The following GAD1 variants were observed in gnomAD, a reference collection of about 807,000 sequenced individuals.
The protein encoded by GAD1 is 67 kDa glutamic acid decarboxylase.
A neutral mutation model predicts 75.2 loss-of-function variants in GAD1; 35 were observed. The observed-to-expected ratio is 0.47, with a 90% CI of 0.36 to 0.62. The LOEUF is 0.62. GAD1 is among the 20% of genes least tolerant of loss of function. The pLI, the probability that GAD1 is intolerant of heterozygous loss-of-function variation, is 0.00. For missense variants in GAD1, 490 were observed against 758.5 expected (o/e 0.65, Z 4.16); for synonymous variants, 257 against 271.9 (o/e 0.95, Z 0.54).
chr2:170,839,596 A>G (rs1702457536), intron 6 of GAD1, among the ~76,000 whole-genome samples: 1 of 151,490 alleles, frequency 6.6e-6, no homozygotes, highest in African/African-American at 2.4e-5. Context: ...CCCGGGCGAC[A>G]GAACGAGACT....
At chr2:170,826,171 T>C (rs2105765669) in intron 3 of GAD1, among the ~76,000 whole-genome samples, 2 of 152,342 alleles carry the variant, frequency 1.3e-5, no homozygotes. Flanking sequence ...TATAATGCAG[T>C]GTAAGTGTGC....
intron 11 of GAD1, chr2:170,848,880 G>A (rs1047519564): frequency 6.2e-6 from 3 of 481,914 alleles, no homozygotes; most frequent in Middle Eastern, 3.3e-4. Context: ...AGTTTTTCAG[G>A]AGCTGTTAGA....
intron 13 of GAD1, 25 bp downstream of exon 13, chr2:170,852,817 C>T (rs753828851): frequency 1.9e-6 from 3 of 1,599,540 alleles, no homozygotes; most frequent in East Asian, 2.2e-5. Context: ...CAAAGCTACA[C>T]TGGGGCCCGT....
chr2:170,850,692 G>A (rs988423379), intron 12 of GAD1, among the ~76,000 whole-genome samples: 24 of 152,216 alleles, frequency 1.6e-4, no homozygotes, highest in African/African-American at 5.5e-4. Flanking sequence ...GACCGGCTCT[G>A]TGAAGTGGAC....
At chr2:170,815,734 G>A (rs1031252347), upstream of GAD1, among the ~76,000 whole-genome samples, 2 of 152,290 alleles carry the variant, frequency 1.3e-5, no homozygotes, top group Admixed American at 6.5e-5. Context: ...GAAAAAAACT[G>A]GGGGAGAAGA....
Position 170,832,630 on chromosome 2 carries a change from C to T in GAD1, c.547+1438C>T, listed in dbSNP as rs902553624. ...CCAAAAAGACACATGCACACACAGGCCAAAAAGACACAGGCACACATGCGC... is the reference window on the plus strand; with the variant it reads ...CCAAAAAGACACATGCACACACAGGTCAAAAAGACACAGGCACACATGCGC... On this transcript the variant is annotated intron_variant, in intron 5 of 16. Coordinates refer to ENST00000358196, the MANE Select transcript of GAD1 (RefSeq NM_000817.3). Among the ~76,000 whole-genome samples the T allele has an allele frequency of 4.0e-5, 6 of 151,516 alleles. No homozygotes were observed. The East Asian group carries it at 1.2e-3, about 30-fold the overall frequency.
In GAD1 at chr2:170,859,838, G is replaced by T; in HGVS notation, c.1741G>T (p.Asp581Tyr). 1 of 1,614,162 alleles carries T rather than the reference G, an allele frequency of 6.2e-7. No individual in the cohort carries two copies. The highest frequency in any genetic ancestry group is 8.5e-7 in the Non-Finnish European group (1 of 1,180,044). Residue 581 changes from aspartate to tyrosine, a missense_variant, in exon 17 of 17, where the codon GAC becomes TAC. Coordinates refer to ENST00000358196, the MANE Select transcript of GAD1 (RefSeq NM_000817.3). ...CCCAGCCGCTACCCAGTCTGACATT[G>T]ACTTCCTCATTGAGGAGATAGAAAG... The part of the protein sequence containing the change: ...SNPAATQSDI[D>Y]FLIEEIERLG...
intron 2 of GAD1, 55 bp from the exon 3 acceptor site, chr2:170,822,032 T>C (rs1701894417): frequency 7.0e-7 from 1 of 1,438,076 alleles, no homozygotes; most frequent in Non-Finnish European, 9.6e-7. Context: ...CTCCACCCAT[T>C]TCCCCGCGGT....
chr2:170,857,202 CATGGGAAAATCA>C, intron 15 of GAD1, 77 bp downstream of exon 15: 1 of 1,152,948 alleles, frequency 8.7e-7, no homozygotes. Flanking sequence ...CTTCTGGCAA[CATGGGAAAATCA>C]ATCCCATGTT....
rs145890604 is a variant in GAD1 at position 170,843,677 on chromosome 2, C to T, written c.639-368C>T. ...CCAATTTTACATAGAACTTGGAATG[C>T]TTTTTTCAATTAACATTTGCATTGT... On this transcript the variant is annotated intron_variant, in intron 6 of 16. Transcript: ENST00000358196. 432 of 147,078 alleles carry T rather than the reference C, an allele frequency of 2.9e-3. 4 individuals are homozygous for T. Among genetic ancestry groups the T allele is most frequent in the African/African-American group, 0.011 (414 of 38,416 alleles). 9.1% of individuals were successfully genotyped at this position (147,078 alleles called of 1,614,324 possible).
At chr2:170,847,569 G>A (rs1415500021) in intron 10 of GAD1, 107 bp from the exon 11 acceptor site, 1 of 817,170 alleles carries the variant, frequency 1.2e-6, no homozygotes, top group African/African-American at 1.7e-5. Flanking sequence ...CATAAGTTTT[G>A]CCATTTACTG....
At position 170,853,123 on chromosome 2, in the gene GAD1, G is replaced by T; in HGVS notation, c.1263+331G>T. 2 of 403,138 alleles carry T rather than the reference G, an allele frequency of 5.0e-6. No individual in the cohort carries two copies. The highest frequency in any genetic ancestry group is 9.3e-6 in the Non-Finnish European group (2 of 214,540). 25.0% of individuals were successfully genotyped at this position (403,138 alleles called of 1,614,324 possible). The stretch of plus-strand genomic sequence containing the variant: ...AGGCATCCAATCAGTTTTGTCCTCA[G>T]TGAGGACAAAAGCACTCACTGGAGC... On this transcript the variant is annotated intron_variant, in intron 13 of 16. Coordinates refer to ENST00000358196, the MANE Select transcript of GAD1 (RefSeq NM_000817.3). This position sits in a 1 kb window ranked among gnomAD's most constrained non-coding sequence, Gnocchi z 4.1.
At chr2:170,859,617 C>A in intron 16 of GAD1, 92 bp from the exon 17 acceptor site, 1 of 1,287,770 alleles carries the variant, frequency 7.8e-7, no homozygotes, top group Non-Finnish European at 1.1e-6. Flanking sequence ...TCAATGTAAA[C>A]ACAAATAGTA....
At chr2:170,822,271 T>C (rs1701907554) in intron 3 of GAD1, 122 bp downstream of exon 3, 1 of 865,810 alleles carries the variant, frequency 1.2e-6, no homozygotes, top group African/African-American at 1.7e-5. Flanking sequence ...TCTAATGTAA[T>C]TACAGCCAGG....
intron 5 of GAD1, among the ~76,000 whole-genome samples, chr2:170,831,783 TTA>T (rs998920885): frequency 7.6e-5 from 11 of 144,648 alleles, no homozygotes; most frequent in African/African-American, 2.5e-4. Context: ...AATATTTATA[TTA>T]TATATTATAT....
At chr2:170,829,098 C>A (rs948838731) in intron 3 of GAD1, 10 of 352,868 alleles carry the variant, frequency 2.8e-5, no homozygotes, top group South Asian at 2.3e-4. Context: ...CTTATACAGC[C>A]CATAAACAGT....
intron 7 of GAD1, among the ~76,000 whole-genome samples, chr2:170,844,465 G>C (rs890786604): frequency 6.9e-6 from 1 of 144,416 alleles, no homozygotes; most frequent in Non-Finnish European, 1.5e-5. Context: ...CTAGAGTGCA[G>C]TGGTGTGATC....
At chr2:170,838,903 GA>G (rs1484133694) in intron 6 of GAD1, among the ~76,000 whole-genome samples, 1 of 152,302 alleles carries the variant, frequency 6.6e-6, no homozygotes, top group East Asian at 1.9e-4. Flanking sequence ...CCAACAGATC[GA>G]TAGAGAAGGT....
chr2:170,830,476 CG>C (rs1476627570), intron 4 of GAD1, among the ~76,000 whole-genome samples: 1 of 152,226 alleles, frequency 6.6e-6, no homozygotes, highest in Non-Finnish European at 1.5e-5. Flanking sequence ...AGTTTCCTGT[CG>C]AAGGACACCG....
Sources: allele counts gnomAD v4.1 joint callset (sites outside exome capture counted in the v4.1 genomes callset), GRCh38; gene constraint gnomAD v4.1.1; non-coding constraint Gnocchi (gnomAD v3.1); transcripts MANE v1.5; gene names NCBI Gene and HGNC (gene_info 2026-07-23, HGNC 2026-07-21).